Variants in SPATS2L observed in about 807,000 individuals in gnomAD.
The protein encoded by SPATS2L is spermatogenesis associated serine rich 2 like.
Under a neutral mutation model 59.6 loss-of-function variants are expected in SPATS2L, and 30 were observed. The observed-to-expected ratio is 0.50, with a 90% CI of 0.38 to 0.68. The LOEUF (loss-of-function observed/expected upper bound fraction) is 0.68. SPATS2L is among the 30% of genes least tolerant of loss of function. The pLI is 0.00. For missense variants in SPATS2L, 615 were observed against 700.0 expected (o/e 0.88, Z 1.37); for synonymous variants, 252 against 263.5 (o/e 0.96, Z 0.42).
At chr2:200,347,258 C>T (rs1436239991) in intron 2 of SPATS2L, among the ~76,000 whole-genome samples, 2 of 152,118 alleles carry the variant, frequency 1.3e-5, no homozygotes, top group African/African-American at 2.4e-5. Flanking sequence ...GGGATAATGT[C>T]CCCAGCCAAA....
At chr2:200,475,153 G>A (rs2087415956) in intron 12 of SPATS2L, among the ~76,000 whole-genome samples, 1 of 152,234 alleles carries the variant, frequency 6.6e-6, no homozygotes, top group Admixed American at 6.5e-5. Context: ...CCACATTTGT[G>A]TGTGCAAGGC....
At chr2:200,471,883 AT>A (rs368504682) in intron 11 of SPATS2L, among the ~76,000 whole-genome samples, 25 of 152,346 alleles carry the variant, frequency 1.6e-4, no homozygotes, top group African/African-American at 2.9e-4. Flanking sequence ...GCTTTCAAAA[AT>A]TGGTGACAGT....
chr2:200,339,937 G>T (rs1411656286), intron 2 of SPATS2L, among the ~76,000 whole-genome samples: 1 of 152,070 alleles, frequency 6.6e-6, no homozygotes, highest in Non-Finnish European at 1.5e-5. Context: ...TGCAACCTTT[G>T]TGTCGGGGGT....
chr2:200,388,492 A>G (rs2082064060), intron 2 of SPATS2L, among the ~76,000 whole-genome samples: 1 of 152,056 alleles, frequency 6.6e-6, no homozygotes, highest in South Asian at 2.1e-4. Flanking sequence ...GGATCGCTTG[A>G]GTTGAGGAGA....
chr2:200,439,272 C>T lies in SPATS2L; in HGVS notation c.596C>T (p.Ser199Phe). The change falls in exon 7 of 13, where the codon TCC becomes TTC. Residue 199 changes from serine to phenylalanine, a missense_variant. By Grantham distance (155) the Ser-to-Phe change is radical (BLOSUM62 -2). This residue lies in a region of SPATS2L where 227 missense variants were observed against 257.4 expected (regional missense o/e 0.88). Coordinates refer to ENST00000409140, the MANE Select transcript of SPATS2L (RefSeq NM_001100423.2). Reference sequence around the variant, plus strand: ...AAGGCAAAAACATCTCCTGTTAAGTCCAATACCCCTGCAGCTCATCTTGAA... The same window carrying T: ...AAGGCAAAAACATCTCCTGTTAAGTTCAATACCCCTGCAGCTCATCTTGAA... ...KPKAKTSPVK[S>F]NTPAAHLEIK... 6.2e-7 allele frequency: 1 copy of T among 1,613,664 alleles called. No individual in the cohort carries two copies. Among genetic ancestry groups the T allele is most frequent in the Admixed American group, 1.7e-5 (1 of 59,972 alleles).
chr2:200,340,503 T>A (rs949042600), intron 2 of SPATS2L, among the ~76,000 whole-genome samples: 1 of 152,186 alleles, frequency 6.6e-6, no homozygotes, highest in Non-Finnish European at 1.5e-5. Flanking sequence ...ATGAAATTGC[T>A]CTTTTCCACA....
At chr2:200,306,991 T>G in intron 1 of SPATS2L, 69 bp downstream of exon 1, 18 of 979,590 alleles carry the variant, frequency 1.8e-5, no homozygotes, top group Non-Finnish European at 2.1e-5. Flanking sequence ...CGGAGGGGCC[T>G]GCGCGGCCGG....
intron 2 of SPATS2L, among the ~76,000 whole-genome samples, chr2:200,360,863 A>G (rs1031299935): frequency 2.6e-5 from 4 of 151,928 alleles, no homozygotes; most frequent in African/African-American, 9.7e-5. Flanking sequence ...ATGGATCTGT[A>G]CTGAGGCCTG....
At chr2:200,309,740 CATAATT>C (rs1459630566) in intron 1 of SPATS2L, among the ~76,000 whole-genome samples, 5 of 152,146 alleles carry the variant, frequency 3.3e-5, no homozygotes, top group Non-Finnish European at 7.3e-5. Context: ...ACCCAGTAAA[CATAATT>C]ATAGAAGAAA....
intron 8 of SPATS2L, among the ~76,000 whole-genome samples, chr2:200,457,811 CT>C (rs928262286): frequency 6.6e-5 from 10 of 152,184 alleles, no homozygotes; most frequent in Admixed American, 1.3e-4. Context: ...TGAGGAGCCC[CT>C]AAACTGCTAT....
chr2:200,467,924 T>C (rs976363871), intron 10 of SPATS2L, among the ~76,000 whole-genome samples: 1 of 152,180 alleles, frequency 6.6e-6, no homozygotes, highest in African/African-American at 2.4e-5. Flanking sequence ...CAACAGAAAC[T>C]GACCCTGGCT....
At chr2:200,468,970 G>A (rs1440403690) in intron 10 of SPATS2L, among the ~76,000 whole-genome samples, 1 of 152,214 alleles carries the variant, frequency 6.6e-6, no homozygotes, top group Non-Finnish European at 1.5e-5. Context: ...CACAGGCTTT[G>A]GAGTGAAACA....
chr2:200,318,676 G>A (rs1008177934), intron 1 of SPATS2L, among the ~76,000 whole-genome samples: 2 of 152,076 alleles, frequency 1.3e-5, no homozygotes, highest in African/African-American at 4.8e-5. Flanking sequence ...CATTTATTAA[G>A]GTGAGGCATA....
At chr2:200,378,164 GC>G (rs1387510165) in intron 2 of SPATS2L, 7 of 955,262 alleles carry the variant, frequency 7.3e-6, no homozygotes, top group Middle Eastern at 3.5e-4. Flanking sequence ...CCAACCCCCT[GC>G]TGATTACTCA....
At chr2:200,346,378 G>A (rs1415754436) in intron 2 of SPATS2L, among the ~76,000 whole-genome samples, 3 of 152,154 alleles carry the variant, frequency 2.0e-5, no homozygotes, top group African/African-American at 7.2e-5. Flanking sequence ...TGAAATAGTT[G>A]AATGTGGTTG....
chr2:200,352,313 TTATATATATATATA>T (rs869105613), intron 2 of SPATS2L, among the ~76,000 whole-genome samples: 1 of 8,650 alleles, frequency 1.2e-4, no homozygotes, highest in African/African-American at 1.6e-4. Flanking sequence ...CCAGCAGTTT[TTATATATATATATA>T]TATATATATA....
chr2:200,409,589 G>C (rs1425197730), intron 3 of SPATS2L, among the ~76,000 whole-genome samples: 2 of 152,218 alleles, frequency 1.3e-5, no homozygotes, highest in Non-Finnish European at 2.9e-5. Context: ...GATTAAAGCA[G>C]AAACAGAGGT....
chr2:200,335,473 T>C (rs2080113075), intron 2 of SPATS2L, among the ~76,000 whole-genome samples: 1 of 152,100 alleles, frequency 6.6e-6, no homozygotes, highest in South Asian at 2.1e-4. Flanking sequence ...GCTGGCAATA[T>C]TGTGTGCTTT....
chr2:200,442,887 G>T (rs2084790518), intron 8 of SPATS2L, among the ~76,000 whole-genome samples: 1 of 152,108 alleles, frequency 6.6e-6, no homozygotes, highest in African/African-American at 2.4e-5. Context: ...CTGATGGAAA[G>T]AATCACTTCT....
Sources: allele counts gnomAD v4.1 joint callset (sites outside exome capture counted in the v4.1 genomes callset), GRCh38; gene constraint gnomAD v4.1.1; regional missense constraint gnomAD v4.1.1; transcripts MANE v1.5; gene names NCBI Gene and HGNC (gene_info 2026-07-23, HGNC 2026-07-21).